Variants in BPTF observed in about 807,000 individuals in gnomAD.
The protein encoded by BPTF is nucleosome-remodeling factor subunit BPTF.
BPTF carries 18 observed loss-of-function variants against 292.5 expected under a neutral mutation model. That is an observed-to-expected ratio of 0.06 (90% CI 0.04 to 0.09). BPTF has a LOEUF of 0.09. Among genes scored for constraint, BPTF ranks in the 10% least tolerant of loss-of-function variants. BPTF has a pLI of 1.00. For synonymous variants in BPTF, 1,225 were observed against 1,251.9 expected (o/e 0.98, Z 0.45); for missense variants, 2,726 against 3,498.7 (o/e 0.78, Z 5.57).
intron 26 of BPTF, among the ~76,000 whole-genome samples, chr17:67,969,147 T>A (rs1407925891): frequency 2.0e-5 from 3 of 147,236 alleles, no homozygotes; most frequent in Admixed American, 1.4e-4. Context: ...CCAAAAAAAA[T>A]TTTTTTGAAT....
chr17:67,919,119 C>T (rs1197007766), intron 12 of BPTF, among the ~76,000 whole-genome samples: 1 of 150,572 alleles, frequency 6.6e-6, no homozygotes, highest in African/African-American at 2.4e-5. Flanking sequence ...TTACAGTGAG[C>T]TGAGATTGTG....
chr17:67,980,942 G>C (rs1213238913), intron 27 of BPTF, among the ~76,000 whole-genome samples: 1 of 152,140 alleles, frequency 6.6e-6, no homozygotes, highest in Non-Finnish European at 1.5e-5. Context: ...CAGTTCGCTT[G>C]AGCCCAGGAG....
chr17:67,854,064 C>G lies in BPTF; in HGVS notation c.738C>G (p.Val246=), dbSNP rs778311725. 2.5e-6 allele frequency: 4 copies of G among 1,614,084 alleles called. No homozygotes were observed. The East Asian group carries it at 6.7e-5, about 27-fold the overall frequency. ...TGCCTAATGAGCATATAATGAATGTCATTGCCATTTACGAGGTACTGCGGA... is the reference window on the plus strand; with the variant it reads ...TGCCTAATGAGCATATAATGAATGTGATTGCCATTTACGAGGTACTGCGGA... ...LMVPNEHIMN[V]IAIYEVLRNF... The change falls in exon 2 of 28, where the codon GTC becomes GTG. Residue 246 remains valine (V), a synonymous_variant. Transcript: ENST00000306378. The surrounding 1 kb of genome is among the most constrained non-coding windows in gnomAD (Gnocchi z 5.6).
At chr17:67,839,931 C>T (rs2057417966) in intron 1 of BPTF, among the ~76,000 whole-genome samples, 1 of 151,964 alleles carries the variant, frequency 6.6e-6, no homozygotes, top group South Asian at 2.1e-4. Context: ...CCTGTATCCT[C>T]CCTAGTACTT....
chr17:67,922,299 T>G (rs2063506178), intron 13 of BPTF, among the ~76,000 whole-genome samples: 1 of 152,228 alleles, frequency 6.6e-6, no homozygotes, highest in Non-Finnish European at 1.5e-5. Flanking sequence ...CCCTGCTTTT[T>G]ATTTTTTAAA....
rs782444567 is a variant in BPTF, at chr17:67,959,794, A to G, written c.8180A>G (p.Lys2727Arg). Residue 2727 changes from lysine to arginine, a missense_variant, in exon 24 of 28, where the codon AAA becomes AGA. Transcript: ENST00000306378. ...TCCAGCTCAAAGTCCAAGAAAAAGA[A>G]AATGATCTCTACTACCTCAAAGGAA... ...KDSSSKSKKKKMISTTSKETK... is the reference protein window; with the variant it reads ...KDSSSKSKKKRMISTTSKETK... 27 of 1,614,088 alleles carry G rather than the reference A, an allele frequency of 1.7e-5. No homozygotes were observed. In the Admixed American group the frequency reaches 3.0e-4, roughly 18 times the overall value.
At chr17:67,932,954 A>G (rs1276275136) in intron 18 of BPTF, among the ~76,000 whole-genome samples, 1 of 144,234 alleles carries the variant, frequency 6.9e-6, no homozygotes, top group Non-Finnish European at 1.5e-5. Flanking sequence ...TTATTGGCTT[A>G]AAGGTAAAAA....
At chr17:67,829,475 A>T (rs1353681463) in intron 1 of BPTF, among the ~76,000 whole-genome samples, 6 of 69,478 alleles carry the variant, frequency 8.6e-5, no homozygotes, top group African/African-American at 1.1e-4. Context: ...CTTGCCCCCC[A>T]CCCCCCGGAT....
intron 4 of BPTF, chr17:67,886,301 A>C (rs745998280): frequency 6.2e-7 from 1 of 1,610,670 alleles, no homozygotes; most frequent in African/African-American, 1.3e-5. Context: ...ACCTGTCTCT[A>C]TTCAGGAAGA....
Position 67,904,823 on chromosome 17 carries a change from G to T in BPTF, c.2795G>T (p.Arg932Ile). ...CCAGGCAATACTAATGTGAATTACA[G>T]AAAGTCGTTAGAAGGAAGTAAGTAA... ...KLPGNTNVNY[R>I]KSLEGTKNNM... is the part of the protein sequence containing the mutation. The change falls in exon 9 of 28, where the codon AGA becomes ATA. Residue 932 changes from arginine (R) to isoleucine (I), a missense_variant. Arg to Ile is a moderately conservative substitution (Grantham distance 97, BLOSUM62 -3). Around this residue, in one of 22 missense-constraint regions of BPTF, gnomAD observed 713 missense variants for 714.9 expected, o/e 1.00. Coordinates refer to ENST00000306378, the MANE Select transcript of BPTF (RefSeq NM_182641.4). 6.2e-7 allele frequency: 1 copy of T among 1,612,100 alleles called. No homozygotes were observed. The highest frequency in any genetic ancestry group is 8.5e-7 in the Non-Finnish European group (1 of 1,178,840).
chr17:67,857,173 T>TTTG (rs1491217333), intron 2 of BPTF, among the ~76,000 whole-genome samples: 3 of 137,512 alleles, frequency 2.2e-5, no homozygotes, highest in East Asian at 4.1e-4. Flanking sequence ...TTTTTTTTTT[T>TTTG]GAGACAGAGT....
intron 13 of BPTF, among the ~76,000 whole-genome samples, chr17:67,921,206 T>G: frequency 1.2e-5 from 1 of 86,318 alleles, no homozygotes; most frequent in Non-Finnish European, 2.1e-5. Context: ...TGAGAATCCG[T>G]GTCAAAAAAA....
At chr17:67,907,614 C>T (rs2062319692) in intron 9 of BPTF, among the ~76,000 whole-genome samples, 1 of 152,114 alleles carries the variant, frequency 6.6e-6, no homozygotes, top group African/African-American at 2.4e-5. Flanking sequence ...CCTCGGCCTC[C>T]CAAAGTGCTG....
chr17:67,874,875 A>G lies in BPTF; in HGVS notation c.1719A>G (p.Pro573=). The change falls in exon 4 of 28, where the codon CCA becomes CCG. Residue 573 remains proline, a synonymous_variant. Transcript: ENST00000306378. Reference sequence around the variant, plus strand: ...GAGACATTGATAATGTTAAAAGCCCAGAAGAAACAGAAAAAGACAAGAATG... The same window carrying G: ...GAGACATTGATAATGTTAAAAGCCCGGAAGAAACAGAAAAAGACAAGAATG... ...KKGDIDNVKS[P]EETEKDKNET... 1 of 1,613,868 alleles carries G rather than the reference A, an allele frequency of 6.2e-7. No individual in the cohort carries two copies. Among genetic ancestry groups the G allele is most frequent in the East Asian group, 2.2e-5 (1 of 44,806 alleles).
intron 26 of BPTF, among the ~76,000 whole-genome samples, chr17:67,972,419 T>C (rs1555691435): frequency 6.6e-6 from 1 of 152,070 alleles, no homozygotes; most frequent in African/African-American, 2.4e-5. Context: ...TCTGTATTTT[T>C]AGTAGAGACG....
At chr17:67,828,291 C>T (rs577840906) in intron 1 of BPTF, among the ~76,000 whole-genome samples, 1 of 152,184 alleles carries the variant, frequency 6.6e-6, no homozygotes, top group Admixed American at 6.5e-5. Flanking sequence ...CTTCTTTGCA[C>T]CCAGAGCCGG....
chr17:67,899,687 C>T (rs138205467), intron 7 of BPTF, among the ~76,000 whole-genome samples: 3 of 151,824 alleles, frequency 2.0e-5, no homozygotes, highest in South Asian at 2.1e-4. Flanking sequence ...TGTGCCACCA[C>T]GACCAGCTAA....
intron 27 of BPTF, chr17:67,977,983 T>C (rs1273860105): frequency 1.3e-5 from 2 of 150,716 alleles, no homozygotes; most frequent in Admixed American, 6.6e-5. Context: ...GCCTCCCTAG[T>C]AGCTGGGATT....
intron 7 of BPTF, among the ~76,000 whole-genome samples, chr17:67,896,227 G>T (rs60856912): frequency 0.32 from 48,782 of 152,066 alleles, 10,644 homozygotes; most frequent in East Asian, 0.63. Flanking sequence ...CTCCCAAAGT[G>T]CTGGGATTAC....
Sources: allele counts gnomAD v4.1 joint callset (sites outside exome capture counted in the v4.1 genomes callset), GRCh38; gene constraint gnomAD v4.1.1; regional missense constraint gnomAD v4.1.1; non-coding constraint Gnocchi (gnomAD v3.1); transcripts MANE v1.5; gene names NCBI Gene and HGNC (gene_info 2026-07-23, HGNC 2026-07-21).